Variants in DCAF7 observed in about 807,000 individuals in gnomAD.
The protein encoded by DCAF7 is DDB1 and CUL4 associated factor 7.
Under a neutral mutation model 41.2 loss-of-function variants are expected in DCAF7, and 4 were observed. The observed-to-expected ratio is 0.10, with a 90% CI of 0.05 to 0.22. The LOEUF (loss-of-function observed/expected upper bound fraction) is 0.22. Among genes scored for constraint, DCAF7 ranks in the 10% least tolerant of loss-of-function variants. The pLI is 1.00. For missense variants in DCAF7, 131 were observed against 443.2 expected (o/e 0.30, Z 6.32); for synonymous variants, 143 against 164.2 (o/e 0.87, Z 0.99).
intron 6 of DCAF7, 92 bp downstream of exon 6, chr17:63,585,420 C>G (rs1489149725): frequency 3.4e-6 from 4 of 1,169,042 alleles, no homozygotes; most frequent in Non-Finnish European, 5.0e-6. Flanking sequence ...GTTTTCTAAG[C>G]ACAGTCTTGA....
At position 63,580,343 on chromosome 17, in the gene DCAF7, G is replaced by A. The variant is rs534605148; in HGVS notation, c.528+400G>A. Among the ~76,000 whole-genome samples the A allele has an allele frequency of 2.4e-4, 36 of 152,110 alleles. 1 individual carries two copies. In the South Asian group the frequency reaches 2.9e-3, roughly 12 times the overall value. ...AGAAAAAATTTTCTGAGAGACAAAC[G>A]TAATTATTCATTTTTCTCTATAAAT... On this transcript the variant is annotated intron_variant, in intron 4 of 6. Coordinates refer to ENST00000614556, the MANE Select transcript of DCAF7 (RefSeq NM_005828.5).
At chr17:63,575,350 T>G (rs1480965102) in intron 1 of DCAF7, among the ~76,000 whole-genome samples, 1 of 151,082 alleles carries the variant, frequency 6.6e-6, no homozygotes, top group Admixed American at 6.6e-5. Flanking sequence ...AATAAAGAAA[T>G]AAAATTAATG....
intron 1 of DCAF7, among the ~76,000 whole-genome samples, chr17:63,575,392 A>C (rs2033550906): frequency 6.6e-6 from 1 of 152,190 alleles, no homozygotes; most frequent in Non-Finnish European, 1.5e-5. Context: ...TGAAAACTTT[A>C]AAACATTGCT....
rs1376416344 is a variant in DCAF7 at position 63,553,625 on chromosome 17, G to C, written c.138+2810G>C. ...GCCATGGATAGTGGTCACCAGCAGA[G>C]GATAAAGTAAAATGGACACAGCAAA... On this transcript the variant is annotated intron_variant, in intron 1 of 6. Transcript: ENST00000614556. 2.6e-5 allele frequency among the ~76,000 whole-genome samples: 4 copies of C among 152,264 alleles called. No individual in the cohort carries two copies. The East Asian group carries it at 7.7e-4, about 29-fold the overall frequency.
rs552962525 is a variant in DCAF7 at position 63,552,079 on chromosome 17, G to GA, written c.138+1273dup. ...GGCGACAGAGTGAGACTCTGTCTCA[G>GA]AAAAAAAAAGAAGAATAAAACTGTT... On this transcript the variant is annotated intron_variant, in intron 1 of 6. Coordinates refer to ENST00000614556, the MANE Select transcript of DCAF7 (RefSeq NM_005828.5). Among the ~76,000 whole-genome samples the GA allele has an allele frequency of 1.6e-3, 246 of 150,436 alleles. 2 individuals are homozygous for GA. The highest frequency in any genetic ancestry group is 5.7e-3 in the African/African-American group (232 of 41,056).
At chr17:63,574,023 C>G (rs1475048142) in intron 1 of DCAF7, among the ~76,000 whole-genome samples, 6 of 152,168 alleles carry the variant, frequency 3.9e-5, no homozygotes. Context: ...CTTTTGGTGC[C>G]TTCCAGCCTA....
intron 1 of DCAF7, among the ~76,000 whole-genome samples, chr17:63,563,956 C>T (rs2033411786): frequency 5.3e-5 from 8 of 152,090 alleles, no homozygotes; most frequent in Admixed American, 5.2e-4. Flanking sequence ...TGAGGGATGT[C>T]CATTATTTTG....
intron 1 of DCAF7, chr17:63,552,322 T>G (rs539877786): frequency 6.6e-6 from 1 of 152,186 alleles, no homozygotes; most frequent in Non-Finnish European, 1.5e-5. Context: ...CTAGAGTAGG[T>G]CCTCTTTGGA....
At chr17:63,575,008 A>G (rs2033546314) in intron 1 of DCAF7, among the ~76,000 whole-genome samples, 1 of 152,150 alleles carries the variant, frequency 6.6e-6, no homozygotes, top group African/African-American at 2.4e-5. Context: ...ATAATAGCAT[A>G]AAACTTGTGT....
chr17:63,555,561 C>T (rs12451850), intron 1 of DCAF7, among the ~76,000 whole-genome samples: 8,976 of 152,118 alleles, frequency 0.059, 829 homozygotes, highest in African/African-American at 0.2. Flanking sequence ...ATTAATTTAG[C>T]CGGTCTGTAT....
chr17:63,588,972 CT>C lies in DCAF7; in HGVS notation c.857-26del, dbSNP rs1221782944. Reference sequence around the variant, plus strand: ...TCATCCGCATTGCCTCACTTGTGACCTTGCTTGCTGGCTTTCTTTGTCCCTA... The same window carrying C: ...TCATCCGCATTGCCTCACTTGTGACCTGCTTGCTGGCTTTCTTTGTCCCTA... On this transcript the variant is annotated intron_variant, in intron 6 of 6. Coordinates refer to ENST00000614556, the MANE Select transcript of DCAF7 (RefSeq NM_005828.5). 4 of 1,590,938 alleles carry C rather than the reference CT, an allele frequency of 2.5e-6. No individual in the cohort carries two copies. The South Asian group carries it at 4.5e-5, about 18-fold the overall frequency.
At chr17:63,586,851 A>G (rs1450996350) in intron 6 of DCAF7, among the ~76,000 whole-genome samples, 1 of 152,166 alleles carries the variant, frequency 6.6e-6, no homozygotes, top group Non-Finnish European at 1.5e-5. Flanking sequence ...AACAGTACAG[A>G]AGCATATTTA....
At chr17:63,560,601 AGAAATT>A (rs1235650767) in intron 1 of DCAF7, among the ~76,000 whole-genome samples, 2 of 152,234 alleles carry the variant, frequency 1.3e-5, no homozygotes, top group Non-Finnish European at 2.9e-5. Context: ...GGGATACACA[AGAAATT>A]GATAACATTG....
chr17:63,551,115 A>G (rs754343900), intron 1 of DCAF7, among the ~76,000 whole-genome samples: 3 of 152,178 alleles, frequency 2.0e-5, no homozygotes, highest in Admixed American at 6.6e-5. Context: ...TTACGCCCCA[A>G]AGATACTCCA....
At chr17:63,559,288 G>C (rs2033343230) in intron 1 of DCAF7, among the ~76,000 whole-genome samples, 1 of 144,638 alleles carries the variant, frequency 6.9e-6, no homozygotes, top group South Asian at 2.2e-4. Flanking sequence ...TCCAGCCCGG[G>C]TGACAGTGTG....
rs2033595595 is a variant in DCAF7 at position 63,579,411 on chromosome 17, C to T, written c.372C>T (p.Thr124=). 1.9e-6 allele frequency: 3 copies of T among 1,610,048 alleles called. No individual in the cohort carries two copies. Among genetic ancestry groups the T allele is most frequent in the East Asian group, 2.2e-5 (1 of 44,812 alleles). Residue 124 remains threonine, a synonymous_variant, in exon 3 of 7, where the codon ACC becomes ACT. Coordinates refer to ENST00000614556, the MANE Select transcript of DCAF7 (RefSeq NM_005828.5). ...NKNSDFCAPL[T]SFDWNEVDPY... ...ACTCTGATTTCTGTGCTCCCCTGAC[C>T]TCCTTTGACTGGAATGAGGTGGATC...
Position 63,583,606 on chromosome 17 carries a change from C to T in DCAF7, c.633C>T (p.His211=). The stretch of plus-strand genomic sequence containing the variant: ...TGTTTGACCTCCGCCATCTAGAACA[C>T]AGCACCATCATTTACGAAGACCCAC... ...VRMFDLRHLE[H]STIIYEDPQH... Residue 211 remains histidine, a synonymous_variant, in exon 5 of 7, where the codon CAC becomes CAT. Transcript: ENST00000614556. 4 of 1,612,970 alleles carry T rather than the reference C, an allele frequency of 2.5e-6. No individual in the cohort carries two copies. The highest frequency in any genetic ancestry group is 3.4e-6 in the Non-Finnish European group (4 of 1,179,054).
At position 63,592,841 on chromosome 17, in the gene DCAF7, T is replaced by G. The variant is rs916667338; in HGVS notation, c.*3669T>G. The stretch of plus-strand genomic sequence containing the variant: ...GATTGTTCCAGACCATGACTCTTCC[T>G]GGTTGTGGGTTTGTTACAGAGCAGG... On this transcript the variant is annotated 3_prime_UTR_variant, in exon 7 of 7. Transcript: ENST00000614556. 6.6e-6 allele frequency: 1 copy of G among 152,296 alleles called. No homozygotes were observed. The highest frequency in any genetic ancestry group is 1.5e-5 in the Non-Finnish European group (1 of 68,100). 9.4% of individuals were successfully genotyped at this position (152,296 alleles called of 1,614,324 possible). A position where few individuals can be genotyped will look rare whatever the true frequency, so the allele number is the denominator to read the frequency against.
At chr17:63,572,777 T>C (rs2033520723) in intron 1 of DCAF7, among the ~76,000 whole-genome samples, 6 of 152,206 alleles carry the variant, frequency 3.9e-5, no homozygotes, top group Admixed American at 3.9e-4. Context: ...TTCTTTGTTT[T>C]TCTGAGACAA....
Sources: gnomAD v4.1 joint callset for allele counts (sites outside exome capture counted in the v4.1 genomes callset) on GRCh38, gnomAD v4.1.1 for gene constraint, MANE v1.5 for transcripts, NCBI Gene and HGNC (gene_info 2026-07-23, HGNC 2026-07-21) for gene names.